The following PRUNE2 variants were observed in gnomAD, a reference collection of about 807,000 sequenced individuals.
PRUNE2 encodes the protein protein prune homolog 2.
PRUNE2 carries 164 observed loss-of-function variants against 252.0 expected under a neutral mutation model. The ratio of observed to expected loss-of-function variants is 0.65; its 90% CI spans 0.57 to 0.74. PRUNE2 has a LOEUF of 0.74. PRUNE2 is among the 30% of genes least tolerant of loss of function. The pLI, the probability that PRUNE2 is intolerant of heterozygous loss-of-function variation, is 0.00. For synonymous variants in PRUNE2, 1,292 were observed against 1,350.2 expected, an observed-to-expected ratio of 0.96 and a Z score of 0.94; for missense variants, 3,495 against 3,711.0, an observed-to-expected ratio of 0.94 and a Z score of 1.51.
chr9:76,890,202 G>A (rs745734026), intron 1 of PRUNE2, among the ~76,000 whole-genome samples: 17 of 152,312 alleles, frequency 1.1e-4, no homozygotes, highest in Non-Finnish European at 2.4e-4. Flanking sequence ...GCATAATGAT[G>A]CCTGTCTCAG....
At position 76,711,085 on chromosome 9, in the gene PRUNE2, G is replaced by A. The variant is rs767828503; in HGVS notation, c.1189C>T (p.Pro397Ser). Residue 397 changes from proline to serine, a missense_variant, in exon 8 of 19, where the codon CCC becomes TCC. By Grantham distance (74) the Pro-to-Ser change is moderately conservative. Transcript: ENST00000376718. ...ELYGSDIEPQ[P>S]SSVNFIENPP... ...TTCTCTATGAAATTCACAGAGCTGGGTTGTGGCTCTATGTCAGAACCATAC... is the reference window on the plus strand; with the variant it reads ...TTCTCTATGAAATTCACAGAGCTGGATTGTGGCTCTATGTCAGAACCATAC... 7 of 1,614,002 alleles carry A rather than the reference G, an allele frequency of 4.3e-6. No homozygotes were observed. Among genetic ancestry groups the A allele is most frequent in the South Asian group, 2.2e-5 (2 of 91,084 alleles).
At chr9:76,823,584 G>A (rs1319459464) in intron 6 of PRUNE2, 48 bp downstream of exon 6, 1 of 1,054,114 alleles carries the variant, frequency 9.5e-7, no homozygotes, top group African/African-American at 1.6e-5. Flanking sequence ...TGCTCAGACT[G>A]CAATTGTGGG....
intron 4 of PRUNE2, among the ~76,000 whole-genome samples, chr9:76,827,875 T>C (rs192180697): frequency 1.3e-5 from 2 of 152,306 alleles, no homozygotes; most frequent in East Asian, 3.9e-4. Context: ...AAGCATCAAA[T>C]GAATGTAAAC....
At chr9:76,723,371 G>C (rs756329819) in intron 6 of PRUNE2, among the ~76,000 whole-genome samples, 3 of 152,174 alleles carry the variant, frequency 2.0e-5, no homozygotes, top group Non-Finnish European at 2.9e-5. Context: ...TTACCATTCA[G>C]TATGTACAAA....
chr9:76,731,476 T>C (rs1202882749), intron 6 of PRUNE2, among the ~76,000 whole-genome samples: 1 of 151,786 alleles, frequency 6.6e-6, no homozygotes, highest in Admixed American at 6.6e-5. Flanking sequence ...CACACACCAC[T>C]ATACCCAGCT....
intron 6 of PRUNE2, among the ~76,000 whole-genome samples, chr9:76,776,186 C>A (rs997613945): frequency 2.0e-5 from 3 of 152,194 alleles, no homozygotes; most frequent in Non-Finnish European, 4.4e-5. Context: ...AGTTTTGTTA[C>A]ATGGATATTG....
At chr9:76,776,904 ACACACACAC>A (rs1470068584) in intron 6 of PRUNE2, among the ~76,000 whole-genome samples, 1 of 74,404 alleles carries the variant, frequency 1.3e-5, no homozygotes, top group Non-Finnish European at 2.6e-5. Flanking sequence ...ACACACACAC[ACACACACAC>A]ACACACACAC....
chr9:76,895,940 C>T (rs1446574215), intron 1 of PRUNE2, among the ~76,000 whole-genome samples: 1 of 152,052 alleles, frequency 6.6e-6, no homozygotes, highest in Non-Finnish European at 1.5e-5. Flanking sequence ...TGTGCCACCA[C>T]TAATTTTTGT....
intron 6 of PRUNE2, among the ~76,000 whole-genome samples, chr9:76,762,248 G>T (rs533026437): frequency 6.6e-6 from 1 of 152,260 alleles, no homozygotes; most frequent in South Asian, 2.1e-4. Flanking sequence ...TTTGACTCCT[G>T]TAAAGATTTA....
intron 1 of PRUNE2, among the ~76,000 whole-genome samples, chr9:76,865,979 A>T (rs754367062): frequency 7.9e-5 from 12 of 152,212 alleles, no homozygotes; most frequent in Non-Finnish European, 1.5e-4. Context: ...TTCTCTCAAG[A>T]CAAGATTCTT....
intron 6 of PRUNE2, chr9:76,786,267 G>C (rs1048165590): frequency 6.6e-6 from 1 of 152,150 alleles, no homozygotes; most frequent in Non-Finnish European, 1.5e-5. Flanking sequence ...TCTTTGAACT[G>C]ATGCTCATAG....
chr9:76,844,446 C>G (rs1203004679), intron 4 of PRUNE2, among the ~76,000 whole-genome samples: 1 of 152,204 alleles, frequency 6.6e-6, no homozygotes, highest in Non-Finnish European at 1.5e-5. Context: ...TCACTAGAAG[C>G]AGATGCCAGC....
intron 6 of PRUNE2, among the ~76,000 whole-genome samples, chr9:76,774,189 G>A (rs1384453766): frequency 6.6e-6 from 1 of 152,010 alleles, no homozygotes; most frequent in Non-Finnish European, 1.5e-5. Flanking sequence ...AGGCTGGAGT[G>A]CAGTGGCACA....
intron 6 of PRUNE2, among the ~76,000 whole-genome samples, chr9:76,718,203 T>C (rs1305496344): frequency 6.6e-6 from 1 of 152,214 alleles, no homozygotes; most frequent in Non-Finnish European, 1.5e-5. Flanking sequence ...CGTTTTTCAT[T>C]GCTCAGAAAA....
intron 6 of PRUNE2, among the ~76,000 whole-genome samples, chr9:76,716,498 ACT>A (rs1191025319): frequency 1.3e-5 from 2 of 152,174 alleles, no homozygotes; most frequent in African/African-American, 4.8e-5. Context: ...ACTTGTACTG[ACT>A]CACACTGCCA....
In PRUNE2 at chr9:76,752,531, G is replaced by GC. The variant is rs1554747316; in HGVS notation, c.757-38811_757-38810insG. Among the ~76,000 whole-genome samples, 3 of 151,948 alleles carry GC rather than the reference G, an allele frequency of 2.0e-5. No individual in the cohort carries two copies. In the South Asian group the frequency reaches 6.2e-4, roughly 32 times the overall value. ...CCATCTTTGGATAGGATATTAGAAA[G>GC]TTTTTTTCCTTATATGGAAGTAAAA... On this transcript the variant is annotated intron_variant, in intron 6 of 18. Coordinates refer to ENST00000376718, the MANE Select transcript of PRUNE2 (RefSeq NM_015225.3).
chr9:76,775,671 T>G (rs1410094713), intron 6 of PRUNE2, among the ~76,000 whole-genome samples: 1 of 152,210 alleles, frequency 6.6e-6, no homozygotes, highest in Non-Finnish European at 1.5e-5. Context: ...CAAGGAATGT[T>G]ATCTCTTTAC....
intron 6 of PRUNE2, chr9:76,788,483 C>T (rs779234190): frequency 9.4e-5 from 68 of 725,546 alleles, no homozygotes; most frequent in Middle Eastern, 6.8e-4. Flanking sequence ...GATTGAAAGG[C>T]GTCTCTATTC....
intron 6 of PRUNE2, among the ~76,000 whole-genome samples, chr9:76,766,182 C>CAA (rs35059224): frequency 1.2e-3 from 136 of 112,288 alleles, no homozygotes; most frequent in Admixed American, 2.3e-3. Flanking sequence ...GACTCTGCCT[C>CAA]AAAAAAAAAA....
Sources: gnomAD v4.1 joint callset for allele counts (sites outside exome capture counted in the v4.1 genomes callset) on GRCh38, gnomAD v4.1.1 for gene constraint, MANE v1.5 for transcripts, NCBI Gene and HGNC (gene_info 2026-07-23, HGNC 2026-07-21) for gene names.